Variants in SH3D19 observed in about 807,000 individuals in gnomAD.
SH3D19 encodes the protein SH3 domain-containing protein 19.
A neutral mutation model predicts 112.1 loss-of-function variants in SH3D19; 58 were observed. That is an observed-to-expected ratio of 0.52 (90% CI 0.42 to 0.64). SH3D19 has a LOEUF of 0.64. Ranked by LOEUF, SH3D19 falls within the 30% of genes least tolerant of loss-of-function variation. SH3D19 has a pLI of 0.00. For synonymous variants in SH3D19, 391 were observed against 448.5 expected (o/e 0.87, Z 1.62); for missense variants, 1,090 against 1,263.4 (o/e 0.86, Z 2.08).
At chr4:151,189,112 T>G (rs895887617) in intron 2 of SH3D19, among the ~76,000 whole-genome samples, 1 of 151,970 alleles carries the variant, frequency 6.6e-6, no homozygotes. Flanking sequence ...TTTGTTTTTG[T>G]TTTTTGTTTT....
chr4:151,294,732 G>A (rs1775582945), intron 1 of SH3D19, among the ~76,000 whole-genome samples: 1 of 152,136 alleles, frequency 6.6e-6, no homozygotes, highest in Non-Finnish European at 1.5e-5. Flanking sequence ...AATCAAGCTG[G>A]GCTTCAAGTA....
chr4:151,264,399 G>T (rs543674263), intron 1 of SH3D19, among the ~76,000 whole-genome samples: 38 of 127,322 alleles, frequency 3.0e-4, no homozygotes, highest in African/African-American at 1.2e-3. Context: ...CTGCTCTCCA[G>T]CCTGGGCAAC....
chr4:151,269,999 T>C (rs1580365724), intron 1 of SH3D19, among the ~76,000 whole-genome samples: 1 of 152,206 alleles, frequency 6.6e-6, no homozygotes, highest in East Asian at 1.9e-4. Flanking sequence ...TCTACTATGA[T>C]AACAATGCCT....
intron 3 of SH3D19, 84 bp from the exon 4 acceptor site, chr4:151,179,481 A>T: frequency 1.5e-6 from 1 of 684,030 alleles, no homozygotes; most frequent in Non-Finnish European, 2.0e-6. Flanking sequence ...CACAATTGGA[A>T]AAAGCTTATA....
intron 4 of SH3D19, 46 bp downstream of exon 4, chr4:151,179,309 C>G (rs774682612): frequency 2.2e-5 from 24 of 1,084,504 alleles, no homozygotes; most frequent in African/African-American, 3.3e-5. Context: ...CACTTTTACT[C>G]AATTATTAGT....
At chr4:151,295,471 A>G (rs1227963678) in intron 1 of SH3D19, among the ~76,000 whole-genome samples, 5 of 152,144 alleles carry the variant, frequency 3.3e-5, no homozygotes, top group African/African-American at 1.2e-4. Flanking sequence ...GTAAGGCCCT[A>G]TTTACCAAGT....
chr4:151,236,445 T>G (rs1656973797), intron 1 of SH3D19, among the ~76,000 whole-genome samples: 1 of 152,266 alleles, frequency 6.6e-6, no homozygotes, highest in Non-Finnish European at 1.5e-5. Flanking sequence ...TGAAGCCAGC[T>G]GGGCTTCTGG....
At chr4:151,277,606 A>G (rs1773765684) in intron 1 of SH3D19, among the ~76,000 whole-genome samples, 1 of 152,306 alleles carries the variant, frequency 6.6e-6, no homozygotes, top group Non-Finnish European at 1.5e-5. Flanking sequence ...ATTTGAGCAG[A>G]ACTGAAGGGG....
In SH3D19 at chr4:151,136,034, A is replaced by AACAAAACAAC. The variant is rs533261035; in HGVS notation, c.2428-903_2428-902insGTTGTTTTGT. 1.9e-4 allele frequency among the ~76,000 whole-genome samples: 29 copies of AACAAAACAAC among 152,072 alleles called. 1 individual carries two copies. Among genetic ancestry groups the AACAAAACAAC allele is most frequent in the Admixed American group, 1.1e-3 (17 of 15,248 alleles). ...AACAAAACAAAACAAAACAAAACAA[A>AACAAAACAAC]AACAACTTGTGGATTCTCTTCACAT... On this transcript the variant is annotated intron_variant, in intron 14 of 19. Transcript: ENST00000604030.
intron 1 of SH3D19, among the ~76,000 whole-genome samples, chr4:151,238,789 GA>G (rs1770334377): frequency 6.6e-6 from 1 of 151,992 alleles, no homozygotes. Context: ...TTCCAATCAA[GA>G]AGAGGTAAAG....
intron 1 of SH3D19, among the ~76,000 whole-genome samples, chr4:151,299,376 T>A (rs968080948): frequency 1.6e-4 from 24 of 151,726 alleles, no homozygotes; most frequent in Non-Finnish European, 2.8e-4. Flanking sequence ...AGGTCAGGAG[T>A]TCGAGACCAG....
At chr4:151,255,449 C>A (rs1384057024) in intron 1 of SH3D19, among the ~76,000 whole-genome samples, 7 of 151,804 alleles carry the variant, frequency 4.6e-5, no homozygotes, top group Non-Finnish European at 8.8e-5. Flanking sequence ...CAGAGACGCT[C>A]CTCACTTCCT....
chr4:151,227,393 G>A (rs532351279), intron 1 of SH3D19, among the ~76,000 whole-genome samples: 2 of 152,312 alleles, frequency 1.3e-5, no homozygotes, highest in South Asian at 4.2e-4. Context: ...AGACTAATAA[G>A]TAAAAAGATT....
At chr4:151,133,334 T>C in intron 15 of SH3D19, 98 bp from the exon 16 acceptor site, 2 of 989,940 alleles carry the variant, frequency 2.0e-6, no homozygotes, top group Non-Finnish European at 3.0e-6. Flanking sequence ...ATTCTGGGTT[T>C]ACCATGGAAT....
At chr4:151,229,838 T>C (rs6825015) in intron 1 of SH3D19, among the ~76,000 whole-genome samples, 124,907 of 152,122 alleles carry the variant, frequency 0.82, 53,203 homozygotes, top group Non-Finnish European at 0.95. Context: ...TCACTTGAGC[T>C]CGGGAGATGA....
chr4:151,165,092 C>T (rs74976701), intron 8 of SH3D19, among the ~76,000 whole-genome samples: 10,450 of 152,208 alleles, frequency 0.069, 615 homozygotes, highest in East Asian at 0.19. Context: ...TTCTAAATTT[C>T]AGTTTCCCTC....
intron 3 of SH3D19, among the ~76,000 whole-genome samples, chr4:151,181,942 A>G (rs555167137): frequency 2.0e-3 from 310 of 152,196 alleles, no homozygotes; most frequent in African/African-American, 7.1e-3. Context: ...TGTGCAGACC[A>G]GGATATCCAC....
chr4:151,214,733 C>A (rs1766710073), intron 2 of SH3D19, among the ~76,000 whole-genome samples: 3 of 85,662 alleles, frequency 3.5e-5, no homozygotes, highest in Middle Eastern at 0.014. Context: ...CCCCTCACCT[C>A]CCGGATGGGG....
At chr4:151,239,926 C>A (rs1181660595) in intron 1 of SH3D19, among the ~76,000 whole-genome samples, 1 of 151,938 alleles carries the variant, frequency 6.6e-6, no homozygotes, top group Non-Finnish European at 1.5e-5. Context: ...GATAAATGAC[C>A]AGGAGGAGAT....
Sources: allele counts gnomAD v4.1 joint callset (sites outside exome capture counted in the v4.1 genomes callset), GRCh38; gene constraint gnomAD v4.1.1; transcripts MANE v1.5; gene names NCBI Gene and HGNC (gene_info 2026-07-23, HGNC 2026-07-21).